The following STK11 variants were observed in gnomAD, a reference collection of about 807,000 sequenced individuals.
The protein encoded by STK11 is serine/threonine-protein kinase STK11.
In STK11, 8 loss-of-function variants were observed where a neutral mutation model predicts 47.3. The ratio of observed to expected loss-of-function variants is 0.17; its 90% CI spans 0.10 to 0.31. The LOEUF is 0.31. Among genes scored for constraint, STK11 ranks in the 10% least tolerant of loss-of-function variants. The pLI is 1.00. For missense variants in STK11, 475 were observed against 605.0 expected (o/e 0.79, Z 2.25); for synonymous variants, 330 against 255.8 (o/e 1.29, Z -2.77).
At chr19:1,213,994 T>A (rs916872425) in intron 1 of STK11, among the ~76,000 whole-genome samples, 1 of 152,216 alleles carries the variant, frequency 6.6e-6, no homozygotes, top group African/African-American at 2.4e-5. Context: ...CCTTCCTATT[T>A]CCTGTCCTGC....
intron 1 of STK11, among the ~76,000 whole-genome samples, chr19:1,214,568 G>A (rs765792516): frequency 5.5e-4 from 83 of 152,234 alleles, no homozygotes; most frequent in Non-Finnish European, 1.0e-3. Flanking sequence ...GGTGGCCGGC[G>A]CAGGGAGGTT....
intron 6 of STK11, chr19:1,221,559 C>T: frequency 1.4e-6 from 1 of 719,588 alleles, no homozygotes; most frequent in Non-Finnish European, 2.2e-6. Context: ...ACTCCCACCC[C>T]AGAGGGCAGT....
intron 5 of STK11, 70 bp from the exon 6 acceptor site, chr19:1,221,143 A>G (rs2145426426): frequency 6.3e-7 from 1 of 1,592,408 alleles, no homozygotes. Flanking sequence ...TCCCTGGGGT[A>G]GAGCTGGGGC....
chr19:1,221,422 G>A (rs1420980529), intron 6 of STK11, 82 bp downstream of exon 6: 2 of 1,475,536 alleles, frequency 1.4e-6, no homozygotes, highest in East Asian at 2.5e-5. Flanking sequence ...TGTCAGGTGG[G>A]GGGCTATTGG....
At position 1,220,698 on chromosome 19, in the gene STK11, T is replaced by C. The variant is rs745622138; in HGVS notation, c.715T>C (p.Trp239Arg). The C allele has an allele frequency of 1.2e-6, 2 of 1,609,980 alleles. No individual in the cohort carries two copies. Among genetic ancestry groups the C allele is most frequent in the Non-Finnish European group, 1.7e-6 (2 of 1,178,732 alleles). The stretch of plus-strand genomic sequence containing the variant: ...CTTCTCCGGCTTCAAGGTGGACATC[T>C]GGTCGGCTGGGGTCACCCTGTAAGT... ...DTFSGFKVDI[W>R]SAGVTLYNIT... Residue 239 changes from tryptophan (W) to arginine (R), a missense_variant, in exon 5 of 10, where the codon TGG becomes CGG. By Grantham distance (101) the Trp-to-Arg change is moderately radical. Around this residue, in one of 5 missense-constraint regions of STK11, gnomAD observed 130 missense variants for 239.7 expected, o/e 0.54. Transcript: ENST00000326873.
rs959666085 is a variant in STK11, at chr19:1,210,900, C to T, written c.290+3697C>T. ...GGCTGGGGCCGGGCGTGGTGGCTCA[C>T]GCCTGTAATCCCAGCACTTTGGGAG... On this transcript the variant is annotated intron_variant, in intron 1 of 9. Coordinates refer to ENST00000326873, the MANE Select transcript of STK11 (RefSeq NM_000455.5). Among the ~76,000 whole-genome samples, 12 of 142,484 alleles carry T rather than the reference C, an allele frequency of 8.4e-5. No homozygotes were observed. In the South Asian group the frequency reaches 1.6e-3, roughly 19 times the overall value. 93.5% of individuals were successfully genotyped at this position (142,484 alleles called of 152,430 possible). A position where few individuals can be genotyped will look rare whatever the true frequency, so the allele number is the denominator to read the frequency against.
intron 6 of STK11, 194 bp from the exon 7 acceptor site, chr19:1,221,755 C>T (rs1271694497): frequency 2.3e-5 from 15 of 648,362 alleles, no homozygotes; most frequent in Non-Finnish European, 3.4e-5. Context: ...CCCTGCCAGC[C>T]GCGCACAGGC....
At chr19:1,226,090 A>G (rs2080818519) in intron 8 of STK11, 2 of 1,090,084 alleles carry the variant, frequency 1.8e-6, no homozygotes, top group African/African-American at 3.4e-5. Context: ...TCTAGAACCA[A>G]CCATGGGCCA....
chr19:1,206,527 C>G lies in STK11; in HGVS notation c.-387C>G, dbSNP rs886054209. On this transcript the variant is annotated 5_prime_UTR_variant, in exon 1 of 10. Transcript: ENST00000326873. ...GCCGTGTTCATACTTGTCCGTGGGC[C>G]TGAGGTCCCCGGAGGATGACCTAGC... The G allele has an allele frequency of 7.5e-5, 23 of 304,970 alleles. No individual in the cohort carries two copies. The highest frequency in any genetic ancestry group is 9.8e-4 in the Middle Eastern group (1 of 1,018). 18.9% of individuals were successfully genotyped at this position (304,970 alleles called of 1,614,324 possible).
At chr19:1,213,748 T>A (rs994489084) in intron 1 of STK11, among the ~76,000 whole-genome samples, 4 of 152,202 alleles carry the variant, frequency 2.6e-5, no homozygotes, top group African/African-American at 4.8e-5. Flanking sequence ...TCAGCCGGCG[T>A]CCCTCTAGAA....
At chr19:1,218,288 C>T in intron 1 of STK11, 129 bp from the exon 2 acceptor site, 1 of 792,870 alleles carries the variant, frequency 1.3e-6, no homozygotes, top group Non-Finnish European at 2.2e-6. Context: ...ACTGTGAACT[C>T]ACAGCTTCTC....
intron 6 of STK11, 53 bp from the exon 7 acceptor site, chr19:1,221,896 T>TG (rs2080786895): frequency 1.9e-6 from 3 of 1,545,318 alleles, no homozygotes; most frequent in African/African-American, 1.4e-5. Flanking sequence ...GGACGGTTGG[T>TG]GGGGTCTCAG....
chr19:1,219,299 G>A (rs1267281754), intron 2 of STK11, 25 bp from the exon 3 acceptor site: 9 of 1,563,176 alleles, frequency 5.8e-6, no homozygotes, highest in African/African-American at 1.4e-5. Flanking sequence ...GCCGCCCCCT[G>A]AGCTGTGTGT....
chr19:1,210,228 G>A (rs2080700158), intron 1 of STK11, among the ~76,000 whole-genome samples: 1 of 152,198 alleles, frequency 6.6e-6, no homozygotes, highest in Non-Finnish European at 1.5e-5. Context: ...GAGAAGGGGT[G>A]TCCACTGCCC....
chr19:1,209,549 T>A (rs1198595686), intron 1 of STK11, among the ~76,000 whole-genome samples: 3 of 151,872 alleles, frequency 2.0e-5, no homozygotes, highest in African/African-American at 7.3e-5. Context: ...ACCATTGCGC[T>A]CCAGCCTGGG....
At chr19:1,209,475 C>T (rs1265565494) in intron 1 of STK11, among the ~76,000 whole-genome samples, 6 of 151,890 alleles carry the variant, frequency 4.0e-5, no homozygotes, top group Non-Finnish European at 8.8e-5. Flanking sequence ...CCCAGCTACT[C>T]GGGAGGCTGA....
Position 1,227,811 on chromosome 19 carries a change from C to CCCCGGGCGGAGCCTT in STK11, c.*245_*259dup. 1.9e-6 allele frequency: 2 copies of CCCCGGGCGGAGCCTT among 1,072,638 alleles called. No homozygotes were observed. The highest frequency in any genetic ancestry group is 1.6e-5 in the African/African-American group (1 of 61,174). The allele number at this position is 1,072,638 out of a possible 1,614,324, so 66.4% of individuals were successfully genotyped here. A position where few individuals can be genotyped will look rare whatever the true frequency, so the allele number is the denominator to read the frequency against. Reference sequence around the variant, plus strand: ...TGCACGCGGCTTGTTGACTTCGCAGCCCCGGGCGGAGCCTTCCCGGGCGGG... The same window carrying CCCCGGGCGGAGCCTT: ...TGCACGCGGCTTGTTGACTTCGCAGCCCCGGGCGGAGCCTTCCCGGGCGGAGCCTTCCCGGGCGGG... On this transcript the variant is annotated 3_prime_UTR_variant, in exon 10 of 10. Transcript: ENST00000326873.
At position 1,207,221 on chromosome 19, in the gene STK11, G is replaced by A. The variant is rs757929417; in HGVS notation, c.290+18G>A. 9.5e-6 allele frequency: 15 copies of A among 1,585,440 alleles called. No individual in the cohort carries two copies. In the African/African-American group the frequency reaches 1.7e-4, roughly 18 times the overall value. ...GTGAAGAAGTAAGTATGGCTTGCTG[G>A]GGTCGGGGCCGGGCCGGGCCAGTCA... On this transcript the variant is annotated intron_variant, in intron 1 of 9. Transcript: ENST00000326873.
intron 5 of STK11, 77 bp downstream of exon 5, chr19:1,220,794 T>C: frequency 6.5e-7 from 1 of 1,530,848 alleles, no homozygotes; most frequent in Non-Finnish European, 8.8e-7. Context: ...GCTGCCGGCC[T>C]GTGGGCGCAG....
Sources: gnomAD v4.1 joint callset for allele counts (sites outside exome capture counted in the v4.1 genomes callset) on GRCh38, gnomAD v4.1.1 for gene constraint, gnomAD v4.1.1 regional missense constraint, MANE v1.5 for transcripts, NCBI Gene and HGNC (gene_info 2026-07-23, HGNC 2026-07-21) for gene names.